Variants in PIEZO2 observed in about 807,000 individuals in gnomAD.
PIEZO2 encodes piezo-type mechanosensitive ion channel component 2.
In PIEZO2, 172 loss-of-function variants were observed where a neutral mutation model predicts 337.3. The observed-to-expected ratio is 0.51, with a 90% CI of 0.45 to 0.58. PIEZO2 has a LOEUF of 0.58. Ranked by LOEUF, PIEZO2 falls within the 20% of genes least tolerant of loss-of-function variation. The probability of loss-of-function intolerance (pLI) is 0.00; values close to 1 mark genes in which losing one functional copy is unlikely to be tolerated. For missense variants in PIEZO2, 3,028 were observed against 3,391.3 expected, an observed-to-expected ratio of 0.89 and a Z score of 2.66; for synonymous variants, 1,251 against 1,228.5, an observed-to-expected ratio of 1.02 and a Z score of -0.38.
At chr18:10,801,249 C>A in intron 10 of PIEZO2, 141 bp downstream of exon 10, 2 of 604,594 alleles carry the variant, frequency 3.3e-6, no homozygotes, top group South Asian at 2.8e-5. Flanking sequence ...AGCAATCTAC[C>A]AGATATAATT....
intron 3 of PIEZO2, among the ~76,000 whole-genome samples, chr18:10,913,522 A>T (rs1429113351): frequency 6.6e-6 from 1 of 152,150 alleles, no homozygotes; most frequent in Non-Finnish European, 1.5e-5. Flanking sequence ...TTTCAGTATT[A>T]TTCTTATTTT....
intron 24 of PIEZO2, among the ~76,000 whole-genome samples, 186 bp from the exon 25 acceptor site, chr18:10,760,095 A>G (rs1385399266): frequency 1.3e-5 from 2 of 152,056 alleles, no homozygotes; most frequent in Non-Finnish European, 2.9e-5. Context: ...TGTACAGATT[A>G]CTCCCAGGGA....
At chr18:10,844,981 A>G (rs996490535) in intron 7 of PIEZO2, among the ~76,000 whole-genome samples, 22 of 152,110 alleles carry the variant, frequency 1.4e-4, no homozygotes, top group African/African-American at 5.1e-4. Context: ...TAAAGACGAG[A>G]TATGGGACAA....
At chr18:10,997,244 C>CA (rs574657633) in intron 2 of PIEZO2, among the ~76,000 whole-genome samples, 1,289 of 110,894 alleles carry the variant, frequency 0.012, 12 homozygotes, top group African/African-American at 0.029. Flanking sequence ...TGACTGCCTG[C>CA]AAAAAAAAAA....
chr18:10,812,926 A>C (rs1460107543), intron 7 of PIEZO2, among the ~76,000 whole-genome samples: 2 of 152,086 alleles, frequency 1.3e-5, no homozygotes, highest in African/African-American at 4.8e-5. Flanking sequence ...ATAGCAGCAC[A>C]CTTAAAAAAT....
rs2036600085 is a variant in PIEZO2, at chr18:10,727,821, A to C, written c.5029+3586T>G. On this transcript the variant is annotated intron_variant, in intron 36 of 55. Transcript: ENST00000674853. This position sits in a 1 kb window ranked among gnomAD's most constrained non-coding sequence, Gnocchi z 6.3. ...CAGTTGTCCCTGAGGGACAGGCCCT[A>C]GAGTTTGGTGGCCCAAGTCCTAAAC... The C allele has an allele frequency of 6.6e-6, 1 of 152,272 alleles. No individual in the cohort carries two copies. The highest frequency in any genetic ancestry group is 1.9e-4 in the East Asian group (1 of 5,176). The allele number at this position is 152,272 out of a possible 1,614,324, so 9.4% of individuals were successfully genotyped here. A position where few individuals can be genotyped will look rare whatever the true frequency, so the allele number is the denominator to read the frequency against.
intron 2 of PIEZO2, among the ~76,000 whole-genome samples, chr18:10,994,009 C>T (rs2035209977): frequency 6.6e-6 from 1 of 152,150 alleles, no homozygotes; most frequent in Non-Finnish European, 1.5e-5. Context: ...TCGCCCCTTC[C>T]CACACTTTCC....
Position 10,671,511 on chromosome 18 carries a change from T to C in PIEZO2, c.*16A>G, listed in dbSNP as rs574546217. 2.5e-6 allele frequency: 4 copies of C among 1,595,434 alleles called. No homozygotes were observed. The South Asian group carries it at 3.4e-5, about 14-fold the overall frequency. ...ATTCAAATGTTAACATTATTTGCAG[T>C]CTGTGTTCTAAGGTTTCAATTTGTT... On this transcript the variant is annotated 3_prime_UTR_variant, in exon 56 of 56. Coordinates refer to ENST00000674853, the MANE Select transcript of PIEZO2 (RefSeq NM_001378183.1).
chr18:10,984,345 T>A (rs1259747934), intron 2 of PIEZO2, among the ~76,000 whole-genome samples: 1 of 151,934 alleles, frequency 6.6e-6, no homozygotes, highest in East Asian at 1.9e-4. Context: ...CTAAATTAAA[T>A]TTTTAAAAAT....
chr18:11,052,828 C>T (rs2037579801), intron 2 of PIEZO2, among the ~76,000 whole-genome samples: 1 of 152,210 alleles, frequency 6.6e-6, no homozygotes, highest in South Asian at 2.1e-4. Flanking sequence ...GATCTATCTG[C>T]ACCAATGCAT....
chr18:10,907,428 A>G (rs2030046632), intron 4 of PIEZO2, among the ~76,000 whole-genome samples: 1 of 149,392 alleles, frequency 6.7e-6, no homozygotes, highest in Non-Finnish European at 1.5e-5. Flanking sequence ...GGGCAACAAG[A>G]GCAAGACTCT....
In PIEZO2 at chr18:10,759,371, T is replaced by C; in HGVS notation, c.3757+111A>G. 3.4e-6 allele frequency: 3 copies of C among 883,686 alleles called. No homozygotes were observed. The highest frequency in any genetic ancestry group is 1.6e-5 in the South Asian group (1 of 62,622). The allele number at this position is 883,686 out of a possible 1,614,324, so 54.7% of individuals were successfully genotyped here. A position where few individuals can be genotyped will look rare whatever the true frequency, so the allele number is the denominator to read the frequency against. On this transcript the variant is annotated intron_variant, in intron 26 of 55. Transcript: ENST00000674853. The surrounding 1 kb of genome is among the most constrained non-coding windows in gnomAD (Gnocchi z 5.5). ...TTAATGCATAAGACAAGCCTTTACA[T>C]GATTACGAAGTCTAGTGGAAGACAA...
intron 1 of PIEZO2, among the ~76,000 whole-genome samples, chr18:11,098,516 G>A (rs1026888238): frequency 8.1e-5 from 12 of 149,046 alleles, no homozygotes; most frequent in African/African-American, 2.5e-4. Context: ...TTCATTATTA[G>A]CATCTAGTGT....
rs1277302211 is a variant in PIEZO2 at position 10,748,489 on chromosome 18, G to A, written c.4406C>T (p.Ser1469Phe). Residue 1469 changes from serine to phenylalanine, a missense_variant, in exon 30 of 56, where the codon TCC becomes TTC. Coordinates refer to ENST00000674853, the MANE Select transcript of PIEZO2 (RefSeq NM_001378183.1). The surrounding 1 kb of genome is among the most constrained non-coding windows in gnomAD (Gnocchi z 5.1). ...FLHVVADIKA[S>F]QILASRGAEL... ...GACCCACCTTGATGCCAGAATCTGGGAAGCTTTTATATCAGCCACAACATG... is the reference window on the plus strand; with the variant it reads ...GACCCACCTTGATGCCAGAATCTGGAAAGCTTTTATATCAGCCACAACATG... 2 of 1,536,992 alleles carry A rather than the reference G, an allele frequency of 1.3e-6. No individual in the cohort carries two copies. Among genetic ancestry groups the A allele is most frequent in the Admixed American group, 2.0e-5 (1 of 50,988 alleles).
rs2034060959 is a variant in PIEZO2, at chr18:10,677,439, A to T, written c.8081+308T>A. The T allele has an allele frequency of 3.7e-6, 1 of 267,788 alleles. No homozygotes were observed. The highest frequency in any genetic ancestry group is 2.3e-5 in the African/African-American group (1 of 43,006). 16.6% of individuals were successfully genotyped at this position (267,788 alleles called of 1,614,324 possible). A position where few individuals can be genotyped will look rare whatever the true frequency, so the allele number is the denominator to read the frequency against. ...CACCATGTTGGTCAGGCTGGTCTTGAACTCCCGACCTCAGGGGATCCACCT... is the reference window on the plus strand; with the variant it reads ...CACCATGTTGGTCAGGCTGGTCTTGTACTCCCGACCTCAGGGGATCCACCT... On this transcript the variant is annotated intron_variant, in intron 53 of 55. Coordinates refer to ENST00000674853, the MANE Select transcript of PIEZO2 (RefSeq NM_001378183.1). The surrounding 1 kb of genome is among the most constrained non-coding windows in gnomAD (Gnocchi z 4.1).
At chr18:10,875,664 G>T (rs1009692509) in intron 4 of PIEZO2, among the ~76,000 whole-genome samples, 1 of 152,148 alleles carries the variant, frequency 6.6e-6, no homozygotes, top group Non-Finnish European at 1.5e-5. Context: ...AAAGTAACAA[G>T]AACTCCAGCT....
intron 1 of PIEZO2, among the ~76,000 whole-genome samples, chr18:11,091,171 G>C (rs541220905): frequency 2.2e-4 from 33 of 151,946 alleles, no homozygotes; most frequent in African/African-American, 8.0e-4. Context: ...GGATCACGAG[G>C]TCAGGAGTTG....
At chr18:10,886,389 T>C (rs1334538768) in intron 4 of PIEZO2, among the ~76,000 whole-genome samples, 21 of 17,862 alleles carry the variant, frequency 1.2e-3, no homozygotes, top group African/African-American at 3.9e-3. Context: ...TGTATATATA[T>C]ATATATATAT....
At chr18:10,909,775 G>T (rs1329901164) in intron 4 of PIEZO2, among the ~76,000 whole-genome samples, 2 of 152,164 alleles carry the variant, frequency 1.3e-5, no homozygotes, top group Non-Finnish European at 2.9e-5. Context: ...TTTAGAAAAA[G>T]ATTTCACATG....
Sources: allele counts gnomAD v4.1 joint callset (sites outside exome capture counted in the v4.1 genomes callset), GRCh38; gene constraint gnomAD v4.1.1; non-coding constraint Gnocchi (gnomAD v3.1); transcripts MANE v1.5; gene names NCBI Gene and HGNC (gene_info 2026-07-23, HGNC 2026-07-21).